Variants in PIBF1 observed in about 807,000 individuals in gnomAD.
PIBF1 encodes the protein progesterone-induced-blocking factor 1.
In PIBF1, 90 loss-of-function variants were observed where a neutral mutation model predicts 112.5. The ratio of observed to expected loss-of-function variants is 0.80; its 90% CI spans 0.67 to 0.95. PIBF1 has a LOEUF of 0.95. Among genes scored for constraint, PIBF1 ranks in the 40% least tolerant of loss-of-function variants. PIBF1 has a pLI of 0.00. For synonymous variants in PIBF1, 301 were observed against 288.6 expected, an observed-to-expected ratio of 1.04 and a Z score of -0.44; for missense variants, 915 against 852.3, an observed-to-expected ratio of 1.07 and a Z score of -0.92.
rs139890828 is a variant in PIBF1 at position 72,915,304 on chromosome 13, G to A, written c.1640-1772G>A. 8.4e-3 allele frequency among the ~76,000 whole-genome samples: 1,272 copies of A among 152,182 alleles called. 22 individuals are homozygous for A. Among genetic ancestry groups the A allele is most frequent in the Middle Eastern group, 0.027 (8 of 294 alleles). On this transcript the variant is annotated intron_variant, in intron 12 of 17. Transcript: ENST00000326291. ...ATCTACCCTATACCTTGTAGCATGG[G>A]AAATAGTGGCACTCAGATGCAGTTG...
intron 10 of PIBF1, among the ~76,000 whole-genome samples, chr13:72,877,142 G>T (rs2039442839): frequency 6.6e-6 from 1 of 152,042 alleles, no homozygotes; most frequent in Admixed American, 6.5e-5. Flanking sequence ...AGGATCATGT[G>T]GTTTTTTTCT....
chr13:72,944,670 A>G (rs2042102685), intron 14 of PIBF1, among the ~76,000 whole-genome samples: 1 of 152,116 alleles, frequency 6.6e-6, no homozygotes, highest in Admixed American at 6.5e-5. Context: ...AATAGTGTTT[A>G]TATGATCAAA....
intron 4 of PIBF1, among the ~76,000 whole-genome samples, chr13:72,796,531 CAT>C (rs913013916): frequency 6.6e-6 from 1 of 152,050 alleles, no homozygotes; most frequent in African/African-American, 2.4e-5. Flanking sequence ...ATAGTAAACA[CAT>C]AAAAATGTTG....
intron 11 of PIBF1, among the ~76,000 whole-genome samples, chr13:72,905,677 A>G (rs2040678227): frequency 6.6e-6 from 1 of 151,994 alleles, no homozygotes; most frequent in Non-Finnish European, 1.5e-5. Flanking sequence ...TCCTTTTTTT[A>G]TTGCCTTTAG....
intron 5 of PIBF1, among the ~76,000 whole-genome samples, chr13:72,818,086 T>C (rs1351007189): frequency 6.6e-6 from 1 of 151,996 alleles, no homozygotes; most frequent in Non-Finnish European, 1.5e-5. Flanking sequence ...ATACACTATG[T>C]ATATAACATT....
At chr13:72,918,136 A>G (rs1240647604) in intron 13 of PIBF1, among the ~76,000 whole-genome samples, 1 of 152,134 alleles carries the variant, frequency 6.6e-6, no homozygotes, top group African/African-American at 2.4e-5. Context: ...CCCATTCACT[A>G]CCACATCAAA....
chr13:72,804,557 G>A lies in PIBF1; in HGVS notation c.672+6531G>A, dbSNP rs575634181. 2.0e-5 allele frequency among the ~76,000 whole-genome samples: 3 copies of A among 152,232 alleles called. No homozygotes were observed. In the South Asian group the frequency reaches 6.2e-4, roughly 32 times the overall value. On this transcript the variant is annotated intron_variant, in intron 5 of 17. Coordinates refer to ENST00000326291, the MANE Select transcript of PIBF1 (RefSeq NM_006346.4). Reference sequence around the variant, plus strand: ...GCCTGTCACCTTAGGGGAGAGGGGAGGGAGAAAGAGAGTGGCCTTCCTAGG... The same window carrying A: ...GCCTGTCACCTTAGGGGAGAGGGGAAGGAGAAAGAGAGTGGCCTTCCTAGG...
At chr13:72,937,016 T>C (rs2138797693) in intron 14 of PIBF1, among the ~76,000 whole-genome samples, 1 of 152,308 alleles carries the variant, frequency 6.6e-6, no homozygotes, top group East Asian at 1.9e-4. Flanking sequence ...TTTGACATCT[T>C]TTATTGTCAA....
intron 10 of PIBF1, among the ~76,000 whole-genome samples, chr13:72,863,574 C>T (rs1165751809): frequency 2.0e-5 from 3 of 148,206 alleles, no homozygotes; most frequent in Non-Finnish European, 4.4e-5. Flanking sequence ...AGGAGAATGG[C>T]GTGAACCCAG....
chr13:72,865,252 T>G (rs2038875293), intron 10 of PIBF1, among the ~76,000 whole-genome samples: 1 of 152,156 alleles, frequency 6.6e-6, no homozygotes, highest in African/African-American at 2.4e-5. Flanking sequence ...GTTCTATACG[T>G]ATTAGCTATT....
At chr13:72,784,815 T>C (rs772585388) in intron 2 of PIBF1, among the ~76,000 whole-genome samples, 1 of 152,112 alleles carries the variant, frequency 6.6e-6, no homozygotes, top group Non-Finnish European at 1.5e-5. Flanking sequence ...AACGTAGATA[T>C]GGATAAATTA....
intron 8 of PIBF1, among the ~76,000 whole-genome samples, chr13:72,833,574 G>A (rs1005245520): frequency 4.6e-5 from 7 of 152,182 alleles, no homozygotes; most frequent in Admixed American, 6.5e-5. Flanking sequence ...TATCACCAGC[G>A]GAGGCTGCAG....
At chr13:72,852,394 G>A (rs553694571) in intron 9 of PIBF1, among the ~76,000 whole-genome samples, 1 of 152,324 alleles carries the variant, frequency 6.6e-6, no homozygotes, top group South Asian at 2.1e-4. Context: ...CAGCCGGTGT[G>A]CCCTGCTGTG....
chr13:72,857,172 A>T (rs151328997), intron 10 of PIBF1, among the ~76,000 whole-genome samples: 1 of 152,330 alleles, frequency 6.6e-6, no homozygotes, highest in African/African-American at 2.4e-5. Context: ...GAATTGTGAC[A>T]GGTCACTAGG....
intron 10 of PIBF1, among the ~76,000 whole-genome samples, chr13:72,887,287 TGAAAG>T (rs1230368900): frequency 3.3e-5 from 5 of 152,060 alleles, no homozygotes; most frequent in East Asian, 3.9e-4. Context: ...TTTAATAACA[TGAAAG>T]GAAAGTAATT....
intron 13 of PIBF1, among the ~76,000 whole-genome samples, chr13:72,928,042 T>TAC (rs1464517375): frequency 5.2e-5 from 7 of 134,820 alleles, no homozygotes; most frequent in South Asian, 2.2e-4. Context: ...TATATATATA[T>TAC]ATACATATAT....
At chr13:72,905,221 C>G (rs540943522) in intron 11 of PIBF1, among the ~76,000 whole-genome samples, 2 of 152,180 alleles carry the variant, frequency 1.3e-5, no homozygotes, top group African/African-American at 4.8e-5. Flanking sequence ...GCACGCACCA[C>G]AACACCCGGC....
chr13:72,849,224 C>T (rs1206365497), intron 9 of PIBF1, among the ~76,000 whole-genome samples: 4 of 152,138 alleles, frequency 2.6e-5, no homozygotes, highest in African/African-American at 7.2e-5. Context: ...TGGAATCTAA[C>T]GTTAACTTTA....
intron 3 of PIBF1, among the ~76,000 whole-genome samples, chr13:72,794,129 A>T (rs1191198029): frequency 2.0e-5 from 3 of 152,206 alleles, no homozygotes; most frequent in Admixed American, 6.5e-5. Flanking sequence ...AAGCCAGGTG[A>T]TGAAAATGTA....
Sources: gnomAD v4.1 joint callset for allele counts (sites outside exome capture counted in the v4.1 genomes callset) on GRCh38, gnomAD v4.1.1 for gene constraint, MANE v1.5 for transcripts, NCBI Gene and HGNC (gene_info 2026-07-23, HGNC 2026-07-21) for gene names.